Variants in RELL2 observed in about 807,000 individuals in gnomAD.
The protein encoded by RELL2 is RELT like 2.
RELL2 carries 18 observed loss-of-function variants against 27.5 expected under a neutral mutation model. The ratio of observed to expected loss-of-function variants is 0.65; its 90% confidence interval spans 0.45 to 0.97. The LOEUF is 0.97. Among genes scored for constraint, RELL2 ranks in the 50% least tolerant of loss-of-function variants. The pLI is 0.00. For missense variants in RELL2, 370 were observed against 397.5 expected (o/e 0.93, Z 0.59); for synonymous variants, 156 against 147.5 (o/e 1.06, Z -0.42).
Position 141,640,038 on chromosome 5 carries a change from G to C in RELL2, c.622G>C (p.Gly208Arg), listed in dbSNP as rs139146106. 5.6e-6 allele frequency: 9 copies of C among 1,613,420 alleles called. 1 individual carries two copies. In the South Asian group the frequency reaches 8.8e-5, roughly 16 times the overall value. Residue 208 changes from glycine (G) to arginine (R), a missense_variant, in exon 5 of 7, where the codon GGG (glycine) becomes CGG (arginine). By Grantham distance (125) the Gly-to-Arg change is moderately radical (BLOSUM62 -2). Transcript: ENST00000297164. ...GQDPGGGQGS[G>R]GGQPKAGMPA... ...GGACCCAGGGGGTGGTCAGGGGTCTGGGGGAGGGCAGCCCAAGGCAGGGAT... is the reference window on the plus strand; with the variant it reads ...GGACCCAGGGGGTGGTCAGGGGTCTCGGGGAGGGCAGCCCAAGGCAGGGAT...
chr5:141,638,368 C>A lies in RELL2; in HGVS notation c.143C>A (p.Thr48Lys). ...VLKKKGYRCR[T>K]SRGSEPDDAQ... The stretch of plus-strand genomic sequence containing the variant: ...AAGAAGAAGGGCTACCGCTGCCGCA[C>A]GTCGAGGGGCTCTGAGCCTGACGAT... Residue 48 changes from threonine to lysine, a missense_variant, in exon 1 of 7, where the codon ACG (threonine) becomes AAG (lysine). Coordinates refer to ENST00000297164, the MANE Select transcript of RELL2 (RefSeq NM_173828.5). 1 of 1,613,558 alleles carries A rather than the reference C, an allele frequency of 6.2e-7. No individual in the cohort carries two copies. Among genetic ancestry groups the A allele is most frequent in the South Asian group, 1.1e-5 (1 of 91,072 alleles).
Position 141,639,963 on chromosome 5 carries a change from C to T in RELL2, c.547C>T (p.His183Tyr). ...TGAGAAGCGCTATGGACTGCACGAA[C>T]ACCGTGATGGCTCCCCCACAGACAG... ...HIEKRYGLHE[H>Y]RDGSPTDRSW... The change falls in exon 5 of 7, where the codon CAC (histidine) becomes TAC (tyrosine). Residue 183 changes from histidine (H) to tyrosine (Y), a missense_variant. His to Tyr is a moderately conservative substitution (Grantham distance 83). Coordinates refer to ENST00000297164, the MANE Select transcript of RELL2 (RefSeq NM_173828.5). The surrounding 1 kb of genome is among the most constrained non-coding windows in gnomAD (Gnocchi z 4.4). The T allele has an allele frequency of 1.2e-6, 2 of 1,614,046 alleles. No homozygotes were observed. The highest frequency in any genetic ancestry group is 2.2e-5 in the South Asian group (2 of 91,084).
At chr5:141,640,627 A>C in intron 6 of RELL2, 44 bp from the exon 7 acceptor site, 1 of 1,539,374 alleles carries the variant, frequency 6.5e-7, no homozygotes, top group African/African-American at 1.4e-5. Flanking sequence ...AGCTGGACAC[A>C]GCTTGAACAG....
Position 141,639,150 on chromosome 5 carries a change from GAAGA to G in RELL2, c.317+133_317+136del. The G allele has an allele frequency of 1.3e-6, 1 of 747,440 alleles. No homozygotes were observed. 46.3% of individuals were successfully genotyped at this position (747,440 alleles called of 1,614,324 possible). ...AAGGGCAAAGCTGGCTAACTTATAG[GAAGA>G]AAGTTGTTTTGTAGAAATCGCGATT... On this transcript the variant is annotated intron_variant, in intron 3 of 6. Coordinates refer to ENST00000297164, the MANE Select transcript of RELL2 (RefSeq NM_173828.5). The surrounding 1 kb of genome is among the most constrained non-coding windows in gnomAD (Gnocchi z 4.4).
At position 141,640,692 on chromosome 5, in the gene RELL2, A is replaced by G; in HGVS notation, c.*23A>G. ...CAAGTCTCCTTCATTGTGCTGATGG[A>G]CTACCAGCTGGCAGGGCCAGGGGGT... On this transcript the variant is annotated 3_prime_UTR_variant, in exon 7 of 7. Coordinates refer to ENST00000297164, the MANE Select transcript of RELL2 (RefSeq NM_173828.5). The G allele has an allele frequency of 6.5e-7, 1 of 1,534,538 alleles. No individual in the cohort carries two copies. The highest frequency in any genetic ancestry group is 8.7e-7 in the Non-Finnish European group (1 of 1,146,000).
At chr5:141,638,884 T>A in intron 2 of RELL2, 24 bp downstream of exon 2, 1 of 1,613,222 alleles carries the variant, frequency 6.2e-7, no homozygotes, top group Non-Finnish European at 8.5e-7. Flanking sequence ...AGCCCCTTGC[T>A]CCCTCTTCTC....
intron 1 of RELL2, 111 bp downstream of exon 1, chr5:141,638,520 A>G: frequency 9.4e-7 from 1 of 1,062,868 alleles, no homozygotes; most frequent in Non-Finnish European, 1.3e-6. Flanking sequence ...CTGCTCAGGA[A>G]GCCTAGTGAT....
chr5:141,638,143 G>C lies in RELL2; in HGVS notation c.-83G>C. Reference sequence around the variant, plus strand: ...GTGCTTGTTTCAGATCCTGAGGACGGCATTCCTACCCCTCCCCCATTCCCA... The same window carrying C: ...GTGCTTGTTTCAGATCCTGAGGACGCCATTCCTACCCCTCCCCCATTCCCA... On this transcript the variant is annotated 5_prime_UTR_variant, in exon 1 of 7. Coordinates refer to ENST00000297164, the MANE Select transcript of RELL2 (RefSeq NM_173828.5). The C allele has an allele frequency of 1.2e-6, 1 of 845,292 alleles. No homozygotes were observed. The highest frequency in any genetic ancestry group is 3.0e-4 in the Middle Eastern group (1 of 3,314). 52.4% of individuals were successfully genotyped at this position (845,292 alleles called of 1,614,324 possible).
rs774120279 is a variant in RELL2 at position 141,638,211 on chromosome 5, G to A, written c.-15G>A. On this transcript the variant is annotated 5_prime_UTR_variant, in exon 1 of 7. Coordinates refer to ENST00000297164, the MANE Select transcript of RELL2 (RefSeq NM_173828.5). ...CCAGGAGGCGCCCTGGCCCGCGCTCGCCCCCCAGGGCCTCATGTCGGAACC... is the reference window on the plus strand; with the variant it reads ...CCAGGAGGCGCCCTGGCCCGCGCTCACCCCCCAGGGCCTCATGTCGGAACC... The A allele has an allele frequency of 2.4e-5, 38 of 1,598,504 alleles. No homozygotes were observed. Among genetic ancestry groups the A allele is most frequent in the Non-Finnish European group, 3.2e-5 (38 of 1,172,550 alleles).
Position 141,638,967 on chromosome 5 carries a change from C to T in RELL2, c.263C>T (p.Ala88Val). The T allele has an allele frequency of 6.2e-7, 1 of 1,614,038 alleles. No homozygotes were observed. The highest frequency in any genetic ancestry group is 8.5e-7 in the Non-Finnish European group (1 of 1,179,888). Residue 88 changes from alanine (A) to valine (V), a missense_variant, in exon 3 of 7, where the codon GCC (alanine) becomes GTC (valine). Coordinates refer to ENST00000297164, the MANE Select transcript of RELL2 (RefSeq NM_173828.5). ...CTTCTTCCCTCAGCCAATGCTGAGG[C>T]CTTGAAGGAGATGCTGGGGGACAGT... ...CIIQNEANAE[A>V]LKEMLGDSEG... is the part of the protein sequence containing the mutation.
chr5:141,639,212 C>T lies in RELL2; in HGVS notation c.317+191C>T, dbSNP rs1313886619. The stretch of plus-strand genomic sequence containing the variant: ...ACCATCTCTCTCATCTAGATATCAT[C>T]AAGCCTAACATTCACCTCTAGTGCC... On this transcript the variant is annotated intron_variant, in intron 3 of 6. Transcript: ENST00000297164. The surrounding 1 kb of genome is among the most constrained non-coding windows in gnomAD (Gnocchi z 4.4). The T allele has an allele frequency of 3.2e-4, 197 of 621,044 alleles. No homozygotes were observed. The highest frequency in any genetic ancestry group is 2.2e-5 in the Non-Finnish European group (8 of 356,018). 38.5% of individuals were successfully genotyped at this position (621,044 alleles called of 1,614,324 possible).
chr5:141,640,258 A>G lies in RELL2; in HGVS notation c.842A>G (p.Asn281Ser), dbSNP rs1422430744. The G allele has an allele frequency of 6.2e-7, 1 of 1,614,052 alleles. No individual in the cohort carries two copies. The highest frequency in any genetic ancestry group is 2.2e-5 in the East Asian group (1 of 44,882). Residue 281 changes from asparagine to serine, a missense_variant, in exon 5 of 7, where the codon AAT (asparagine) becomes AGT (serine). Transcript: ENST00000297164. ...PSPGLPTQEA[N>S]GQPSKPDTSD... is the part of the protein sequence containing the mutation. The stretch of plus-strand genomic sequence containing the variant: ...CCAGGGCTGCCCACTCAAGAGGCAA[A>G]TGGGCAGCCAAGCAAACCAGACACT...
In RELL2 at chr5:141,640,463, C is replaced by T; in HGVS notation, c.*1+18C>T. The T allele has an allele frequency of 6.2e-7, 1 of 1,614,078 alleles. No individual in the cohort carries two copies. Among genetic ancestry groups the T allele is most frequent in the South Asian group, 1.1e-5 (1 of 91,086 alleles). Reference sequence around the variant, plus strand: ...TATGTGAGGTGAGTCTGCCTGAGCCCTAAATGAGGTAATCTCATCTTCCCA... The same window carrying T: ...TATGTGAGGTGAGTCTGCCTGAGCCTTAAATGAGGTAATCTCATCTTCCCA... On this transcript the variant is annotated intron_variant, in intron 6 of 6. Coordinates refer to ENST00000297164, the MANE Select transcript of RELL2 (RefSeq NM_173828.5).
In RELL2 at chr5:141,638,410, G is replaced by A; in HGVS notation, c.184+1G>A. 1 of 1,606,690 alleles carries A rather than the reference G, an allele frequency of 6.2e-7. No individual in the cohort carries two copies. The highest frequency in any genetic ancestry group is 2.2e-5 in the East Asian group (1 of 44,840). The stretch of plus-strand genomic sequence containing the variant: ...CCTGACGATGCCCAGCTTCAGCCCC[G>A]TGAGTGAGGAGCCTGGAACCCTGGC... On this transcript the variant is annotated splice_donor_variant, in intron 1 of 6. Coordinates refer to ENST00000297164, the MANE Select transcript of RELL2 (RefSeq NM_173828.5). LOFTEE classifies it high-confidence loss of function.
In RELL2 at chr5:141,637,944, G is replaced by A; in HGVS notation, c.-282G>A. 1 of 387,126 alleles carries A rather than the reference G, an allele frequency of 2.6e-6. No individual in the cohort carries two copies. The highest frequency in any genetic ancestry group is 4.3e-5 in the Admixed American group (1 of 23,440). 24.0% of individuals were successfully genotyped at this position (387,126 alleles called of 1,614,324 possible). On this transcript the variant is annotated 5_prime_UTR_variant, in exon 1 of 7. Transcript: ENST00000297164. ...CAGTGTCCTTGGGAGGGACAGAAGC[G>A]CGAACAAGCTGGAAAGGGGAACGCT... is the stretch of plus-strand genomic sequence containing the variant.
At position 141,638,299 on chromosome 5, in the gene RELL2, T is replaced by G. The variant is rs1305204574; in HGVS notation, c.74T>G (p.Phe25Cys). ...LYMLFLLVLV[F>C]FLMGLVGFMI... ...ATGCTCTTCCTGCTTGTGCTGGTCT[T>G]CTTCCTCATGGGCCTGGTAGGCTTC... Residue 25 changes from phenylalanine (F) to cysteine (C), a missense_variant, in exon 1 of 7, where the codon TTC becomes TGC. Coordinates refer to ENST00000297164, the MANE Select transcript of RELL2 (RefSeq NM_173828.5). The G allele has an allele frequency of 1.9e-6, 3 of 1,614,038 alleles. No homozygotes were observed. The highest frequency in any genetic ancestry group is 2.5e-6 in the Non-Finnish European group (3 of 1,180,004).
In RELL2 at chr5:141,637,168, A is replaced by T. The variant is rs114198078; in HGVS notation, c.-1058A>T. The T allele has an allele frequency of 4.1e-3, 842 of 204,954 alleles. 9 individuals carry two copies. Among genetic ancestry groups the T allele is most frequent in the African/African-American group, 0.019 (810 of 43,166 alleles). The allele number at this position is 204,954 out of a possible 1,614,324, so 12.7% of individuals were successfully genotyped here. A position where few individuals can be genotyped will look rare whatever the true frequency, so the allele number is the denominator to read the frequency against. On this transcript the variant is annotated 5_prime_UTR_variant, in exon 1 of 7. Coordinates refer to ENST00000297164, the MANE Select transcript of RELL2 (RefSeq NM_173828.5). ...TCTAGGAAGCTCCGAAGATCCCGCC[A>T]CTCCGTCCCTCAAAGGTGCGGAAAG... is the stretch of plus-strand genomic sequence containing the variant.
In RELL2 at chr5:141,639,988, G is replaced by A. The variant is rs1340472005; in HGVS notation, c.572G>A (p.Arg191Lys). 6.2e-7 allele frequency: 1 copy of A among 1,613,826 alleles called. No individual in the cohort carries two copies. Among genetic ancestry groups the A allele is most frequent in the Admixed American group, 1.7e-5 (1 of 60,016 alleles). The change falls in exon 5 of 7, where the codon AGG (arginine) becomes AAG (lysine). Residue 191 changes from arginine (R) to lysine (K), a missense_variant. Arg to Lys is a conservative substitution (Grantham distance 26). Transcript: ENST00000297164. This position sits in a 1 kb window ranked among gnomAD's most constrained non-coding sequence, Gnocchi z 4.4. ...CACCGTGATGGCTCCCCCACAGACA[G>A]GAGCTGGGGCTCTGGTGGGGGACAG... ...HEHRDGSPTD[R>K]SWGSGGGQDP... is the part of the protein sequence containing the mutation.
In RELL2 at chr5:141,638,584, A is replaced by C. The variant is rs374370025; in HGVS notation, c.184+175A>C. On this transcript the variant is annotated intron_variant, in intron 1 of 6. Transcript: ENST00000297164. ...ACCACTCTGAAAGCAAAACTAGAGAAAGCAGCATGGGCAGGAACGGTCCTC... is the reference window on the plus strand; with the variant it reads ...ACCACTCTGAAAGCAAAACTAGAGACAGCAGCATGGGCAGGAACGGTCCTC... Among the ~76,000 whole-genome samples, 32 of 152,298 alleles carry C rather than the reference A, an allele frequency of 2.1e-4. 1 individual carries two copies. Among genetic ancestry groups the C allele is most frequent in the African/African-American group, 7.2e-4 (30 of 41,566 alleles).
Sources: gnomAD v4.1 joint callset for allele counts (sites outside exome capture counted in the v4.1 genomes callset) on GRCh38, gnomAD v4.1.1 for gene constraint, Gnocchi (gnomAD v3.1) non-coding constraint, MANE v1.5 for transcripts, NCBI Gene and HGNC (gene_info 2026-07-23, HGNC 2026-07-21) for gene names.